The following NOC3L variants were observed in gnomAD, a reference collection of about 807,000 sequenced individuals.
NOC3L encodes the protein NOC3 like DNA replication regulator.
A neutral mutation model predicts 102.5 loss-of-function variants in NOC3L; 85 were observed. The observed-to-expected ratio is 0.83, with a 90% CI of 0.70 to 0.99. The LOEUF is 0.99. Ranked by LOEUF, NOC3L falls within the 50% of genes least tolerant of loss-of-function variation. NOC3L has a pLI of 0.00. For missense variants in NOC3L, 878 were observed against 914.9 expected, an observed-to-expected ratio of 0.96 and a Z score of 0.52; for synonymous variants, 303 against 309.4, an observed-to-expected ratio of 0.98 and a Z score of 0.22.
chr10:94,346,273 C>T (rs1435726914), intron 11 of NOC3L, 152 bp downstream of exon 11: 2 of 428,294 alleles, frequency 4.7e-6, no homozygotes, highest in Non-Finnish European at 7.9e-6. Context: ...CATTTCTTTG[C>T]AGTAACAGGA....
rs1415986594 is a variant in NOC3L, at chr10:94,361,685, T to A, written c.197A>T (p.Asn66Ile). ...AVSKKPIPLE[N>I]PKEKRPGKRI... is the part of the protein sequence containing the mutation. ...ATTACCTGGTCGCTTTTCCTTTGGG[T>A]TCTCCAATGGAATGGGTTTCTTAGA... Residue 66 changes from asparagine to isoleucine, a missense_variant, in exon 2 of 21, where the codon AAC becomes ATC. Physicochemically the swap from Asn to Ile is moderately radical, Grantham distance 149. Coordinates refer to ENST00000371361, the MANE Select transcript of NOC3L (RefSeq NM_022451.11). The A allele has an allele frequency of 6.2e-7, 1 of 1,600,088 alleles. No individual in the cohort carries two copies. Among genetic ancestry groups the A allele is most frequent in the Non-Finnish European group, 8.5e-7 (1 of 1,170,228 alleles).
chr10:94,329,007 A>ATACT (rs2054125625), downstream of NOC3L: 2 of 152,294 alleles, frequency 1.3e-5, no homozygotes, highest in Middle Eastern at 3.4e-3. Context: ...TACTGACACT[A>ATACT]TACTTATATA....
intron 2 of NOC3L, among the ~76,000 whole-genome samples, chr10:94,360,182 G>A (rs2054536303): frequency 6.6e-6 from 1 of 152,138 alleles, no homozygotes; most frequent in Non-Finnish European, 1.5e-5. Flanking sequence ...CAGATGTGGT[G>A]GTGTGCGCCT....
intron 2 of NOC3L, among the ~76,000 whole-genome samples, chr10:94,358,770 T>C (rs2054517351): frequency 6.6e-6 from 1 of 152,198 alleles, no homozygotes; most frequent in Non-Finnish European, 1.5e-5. Context: ...TAACCAATTA[T>C]GTAACCTTTC....
chr10:94,352,806 A>C, intron 7 of NOC3L, 90 bp downstream of exon 7: 1 of 1,117,134 alleles, frequency 9.0e-7, no homozygotes, highest in Non-Finnish European at 1.3e-6. Context: ...TGGGCGACAG[A>C]GTAAAACTCT....
intron 8 of NOC3L, among the ~76,000 whole-genome samples, 166 bp downstream of exon 8, chr10:94,352,144 A>G (rs2054426494): frequency 6.6e-6 from 1 of 152,172 alleles, no homozygotes; most frequent in Non-Finnish European, 1.5e-5. Flanking sequence ...TTCCCATCAC[A>G]TAGGTAGTAA....
intron 10 of NOC3L, among the ~76,000 whole-genome samples, chr10:94,348,227 T>C (rs1394291941): frequency 3.3e-5 from 5 of 150,794 alleles, no homozygotes; most frequent in Admixed American, 2.6e-4. Context: ...TACAAAGATG[T>C]CAAATGGTTT....
chr10:94,332,179 T>A (rs2133975560), downstream of NOC3L: 1 of 152,338 alleles, frequency 6.6e-6, no homozygotes, highest in Non-Finnish European at 1.5e-5. Flanking sequence ...TACCTACTCT[T>A]ATACATCTCT....
rs2054398782 is a variant in NOC3L, at chr10:94,350,241, C to T, written c.1000G>A (p.Ala334Thr). The T allele has an allele frequency of 1.9e-6, 3 of 1,614,134 alleles. No homozygotes were observed. The highest frequency in any genetic ancestry group is 2.5e-6 in the Non-Finnish European group (3 of 1,180,008). The change falls in exon 9 of 21, where the codon GCA (alanine) becomes ACA (threonine). Residue 334 changes from alanine to threonine, a missense_variant. By Grantham distance (58) the Ala-to-Thr change is moderately conservative (BLOSUM62 0). Coordinates refer to ENST00000371361, the MANE Select transcript of NOC3L (RefSeq NM_022451.11). ...GCGACTTCTGCCAGTCCTTTGTATGCCTTTAAGGAAACTACATTACTTTTC... is the reference window on the plus strand; with the variant it reads ...GCGACTTCTGCCAGTCCTTTGTATGTCTTTAAGGAAACTACATTACTTTTC... ...LKKSNVVSLK[A>T]YKGLAEVAVK... is the part of the protein sequence containing the mutation.
At chr10:94,321,252 T>C in the NOC3L span, among the ~76,000 whole-genome samples, 1 of 152,230 alleles carries the variant, frequency 6.6e-6, no homozygotes, top group Non-Finnish European at 1.5e-5. Context: ...TAAATACAAT[T>C]TACTGTGTTC....
chr10:94,320,155 TATG>T, the NOC3L span, among the ~76,000 whole-genome samples: 2 of 152,278 alleles, frequency 1.3e-5, no homozygotes, highest in East Asian at 1.9e-4. Context: ...TGGTTAAATA[TATG>T]ATGATCAGTG....
At chr10:94,351,484 AT>A (rs1477639497) in intron 8 of NOC3L, among the ~76,000 whole-genome samples, 1 of 152,144 alleles carries the variant, frequency 6.6e-6, no homozygotes, top group Non-Finnish European at 1.5e-5. Context: ...TCATAAATCC[AT>A]TTTCAAGACA....
At chr10:94,318,523 G>GGGTT in the NOC3L span, among the ~76,000 whole-genome samples, 8 of 152,152 alleles carry the variant, frequency 5.3e-5, no homozygotes, top group African/African-American at 1.9e-4. Context: ...AATCATGACA[G>GGGTT]GGTTAGAAGT....
chr10:94,315,494 G>C, the NOC3L span: 2 of 455,894 alleles, frequency 4.4e-6, no homozygotes, highest in East Asian at 1.4e-4. Flanking sequence ...AAATACATTG[G>C]TAAAACTATA....
chr10:94,362,011 A>C, intron 1 of NOC3L, 139 bp from the exon 2 acceptor site: 1 of 727,974 alleles, frequency 1.4e-6, no homozygotes, highest in Non-Finnish European at 2.4e-6. Context: ...ATAAAAGCTA[A>C]AACCAAACGA....
In NOC3L at chr10:94,333,492, C is replaced by A. The variant is rs1279010023; in HGVS notation, c.*685G>T. The stretch of plus-strand genomic sequence containing the variant: ...TTCTTCTACCCTGGAGCAATTCTTC[C>A]CCAGTCACCCTCCAGGGAATGTCAG... On this transcript the variant is annotated 3_prime_UTR_variant, in exon 21 of 21. Transcript: ENST00000371361. The A allele has an allele frequency of 6.6e-6, 1 of 152,160 alleles. No homozygotes were observed. The highest frequency in any genetic ancestry group is 1.9e-4 in the East Asian group (1 of 5,180). 9.4% of individuals were successfully genotyped at this position (152,160 alleles called of 1,614,324 possible).
At chr10:94,362,528 G>A (rs879727931) in intron 1 of NOC3L, among the ~76,000 whole-genome samples, 2 of 152,154 alleles carry the variant, frequency 1.3e-5, no homozygotes, top group Non-Finnish European at 2.9e-5. Context: ...AACTCGCTGA[G>A]GGTAGGACCC....
At chr10:94,327,538 CAAAAAG>C in the NOC3L span, among the ~76,000 whole-genome samples, 1 of 152,008 alleles carries the variant, frequency 6.6e-6, no homozygotes, top group Non-Finnish European at 1.5e-5. Context: ...GGAGAGAGAG[CAAAAAG>C]AAAGTTAGTT....
At chr10:94,328,591 C>T (rs1002275700), downstream of NOC3L, 2 of 152,126 alleles carry the variant, frequency 1.3e-5, no homozygotes, top group Non-Finnish European at 2.9e-5. Flanking sequence ...GATCTGAAAA[C>T]AGGAAAGGAA....
Sources: allele counts gnomAD v4.1 joint callset (sites outside exome capture counted in the v4.1 genomes callset), GRCh38; gene constraint gnomAD v4.1.1; transcripts MANE v1.5; gene names NCBI Gene and HGNC (gene_info 2026-07-23, HGNC 2026-07-21).